Variants in RNF2 observed in about 807,000 individuals in gnomAD.
The protein encoded by RNF2 is ring finger protein 2.
In RNF2, 6 loss-of-function variants were observed where a neutral mutation model predicts 37.2. The observed-to-expected ratio is 0.16, with a 90% CI of 0.09 to 0.32. The LOEUF (loss-of-function observed/expected upper bound fraction) is 0.32, where lower values mean the gene tolerates loss of function less well. RNF2 is among the 10% of genes least tolerant of loss of function. The probability of loss-of-function intolerance (pLI) is 1.00; values close to 1 mark genes in which losing one functional copy is unlikely to be tolerated. For synonymous variants in RNF2, 133 were observed against 132.7 expected, an observed-to-expected ratio of 1.00 and a Z score of -0.02; for missense variants, 251 against 404.0, an observed-to-expected ratio of 0.62 and a Z score of 3.25.
intron 1 of RNF2, among the ~76,000 whole-genome samples, chr1:185,078,374 A>G (rs1327691909): frequency 6.6e-6 from 1 of 152,128 alleles, no homozygotes; most frequent in African/African-American, 2.4e-5. Context: ...TTAGCTCTGT[A>G]ACCTCTTCTT....
At position 185,100,813 on chromosome 1, in the gene RNF2, T is replaced by C. The variant is rs1267225862; in HGVS notation, c.*512T>C. 6.6e-6 allele frequency: 1 copy of C among 152,452 alleles called. No homozygotes were observed. The highest frequency in any genetic ancestry group is 1.5e-5 in the Non-Finnish European group (1 of 67,964). 9.4% of individuals were successfully genotyped at this position (152,452 alleles called of 1,614,324 possible). The stretch of plus-strand genomic sequence containing the variant: ...TTACTGTCCTTAAAAACAATTCTCA[T>C]AGGATTATTCTTTTCATGGTATTTT... On this transcript the variant is annotated 3_prime_UTR_variant, in exon 7 of 7. Transcript: ENST00000367510.
At chr1:185,045,843 T>A (rs938075230) in intron 1 of RNF2, among the ~76,000 whole-genome samples, 194 bp downstream of exon 1, 3 of 152,060 alleles carry the variant, frequency 2.0e-5, no homozygotes, top group Admixed American at 6.5e-5. Context: ...TGAAGCGGGT[T>A]CTCATTGTTC....
intron 4 of RNF2, among the ~76,000 whole-genome samples, chr1:185,097,780 C>G (rs1231548531): frequency 6.6e-6 from 1 of 152,212 alleles, no homozygotes; most frequent in Non-Finnish European, 1.5e-5. Context: ...CAAGCTCCTC[C>G]CATCTTGGCC....
intron 1 of RNF2, among the ~76,000 whole-genome samples, chr1:185,070,663 G>A (rs1189255643): frequency 2.2e-5 from 3 of 135,054 alleles, no homozygotes; most frequent in Non-Finnish European, 4.6e-5. Flanking sequence ...TTTTGAGACC[G>A]AGTCTTGCTG....
At position 185,100,903 on chromosome 1, in the gene RNF2, T is replaced by C. The variant is rs1238035681; in HGVS notation, c.*602T>C. 1.4e-5 allele frequency: 2 copies of C among 142,454 alleles called. No homozygotes were observed. Among genetic ancestry groups the C allele is most frequent in the African/African-American group, 5.0e-5 (2 of 39,924 alleles). The allele number at this position is 142,454 out of a possible 1,614,324, so 8.8% of individuals were successfully genotyped here. On this transcript the variant is annotated 3_prime_UTR_variant, in exon 7 of 7. Transcript: ENST00000367510. ...ACTTAGTGTCCATTGTCATGCAATG[T>C]TTTTTTTTTTCCATTCTTTTTCCCT...
intron 1 of RNF2, among the ~76,000 whole-genome samples, chr1:185,047,590 A>G (rs1278774688): frequency 6.6e-6 from 1 of 152,224 alleles, no homozygotes; most frequent in African/African-American, 2.4e-5. Context: ...TGTTTCAGTG[A>G]CAGTTTCATT....
chr1:185,080,633 C>G (rs185334668), intron 1 of RNF2, among the ~76,000 whole-genome samples: 440 of 152,164 alleles, frequency 2.9e-3, no homozygotes, highest in Non-Finnish European at 4.8e-3. Flanking sequence ...GTAATGCAGA[C>G]TTAACAGAAA....
chr1:185,065,849 C>G (rs1031673873), intron 1 of RNF2, among the ~76,000 whole-genome samples: 1 of 152,112 alleles, frequency 6.6e-6, no homozygotes, highest in Non-Finnish European at 1.5e-5. Flanking sequence ...AATTTGGATG[C>G]TTTTTATTTC....
rs757106486 is a variant in RNF2, at chr1:185,100,304, C to A, written c.*3C>A. 5.0e-6 allele frequency: 8 copies of A among 1,589,436 alleles called. No individual in the cohort carries two copies. ...CACCTACAAAGGAGCACAAATGAGC[C>A]TTTAAAAACCAATTCTGAGACTGAA... On this transcript the variant is annotated 3_prime_UTR_variant, in exon 7 of 7. Coordinates refer to ENST00000367510, the MANE Select transcript of RNF2 (RefSeq NM_007212.4).
intron 1 of RNF2, among the ~76,000 whole-genome samples, chr1:185,055,871 G>A (rs1275101585): frequency 6.6e-6 from 1 of 152,010 alleles, no homozygotes; most frequent in East Asian, 1.9e-4. Context: ...TAGCATATTT[G>A]TGAAGAAAAC....
chr1:185,093,407 A>G, intron 4 of RNF2, 131 bp downstream of exon 4: 4 of 732,534 alleles, frequency 5.5e-6, no homozygotes, highest in Non-Finnish European at 9.2e-6. Context: ...TCGTGCAGGT[A>G]TAATACATGC....
At chr1:185,060,463 C>T (rs1650564738) in intron 1 of RNF2, among the ~76,000 whole-genome samples, 1 of 152,184 alleles carries the variant, frequency 6.6e-6, no homozygotes, top group Admixed American at 6.5e-5. Context: ...TTCCCTTGCT[C>T]ACTTAAGGAC....
chr1:185,054,317 C>T (rs1159510980), intron 1 of RNF2, among the ~76,000 whole-genome samples: 1 of 152,156 alleles, frequency 6.6e-6, no homozygotes, highest in Non-Finnish European at 1.5e-5. Context: ...GGCTTAAGTT[C>T]AGAACTGTTC....
At chr1:185,073,222 A>G (rs1309011483) in intron 1 of RNF2, among the ~76,000 whole-genome samples, 1 of 152,136 alleles carries the variant, frequency 6.6e-6, no homozygotes, top group Non-Finnish European at 1.5e-5. Context: ...TAATGCTGTG[A>G]TGACCATTCT....
chr1:185,093,631 T>C (rs1651831529), intron 4 of RNF2, among the ~76,000 whole-genome samples: 1 of 152,192 alleles, frequency 6.6e-6, no homozygotes, highest in South Asian at 2.1e-4. Context: ...TAGTGATCTC[T>C]TCATTGTGCC....
intron 5 of RNF2, 51 bp downstream of exon 5, chr1:185,098,395 G>A (rs1651974138): frequency 6.3e-7 from 1 of 1,579,292 alleles, no homozygotes; most frequent in Admixed American, 1.7e-5. Flanking sequence ...TGTTTAATTT[G>A]GAGGTAAAAG....
Position 185,099,986 on chromosome 1 carries a change from G to A in RNF2, c.909+24G>A, listed in dbSNP as rs1312476730. 2.5e-6 allele frequency: 4 copies of A among 1,593,252 alleles called. No homozygotes were observed. The African/African-American group carries it at 5.4e-5, about 21-fold the overall frequency. On this transcript the variant is annotated intron_variant, in intron 6 of 6. Transcript: ENST00000367510. ...CTGTGAGTATTTAAAATAATAGACT[G>A]TTGAAACTGGGAGCACACTGACCAA...
chr1:185,085,580 A>T (rs930896383), intron 1 of RNF2, among the ~76,000 whole-genome samples: 1 of 151,948 alleles, frequency 6.6e-6, no homozygotes, highest in Non-Finnish European at 1.5e-5. Flanking sequence ...TTTTATTGTT[A>T]GTTGCTTTCT....
At chr1:185,090,820 T>C (rs1651746089) in intron 2 of RNF2, among the ~76,000 whole-genome samples, 1 of 152,226 alleles carries the variant, frequency 6.6e-6, no homozygotes, top group African/African-American at 2.4e-5. Flanking sequence ...TAGGATTCAC[T>C]AATCATTCTG....
Sources: allele counts gnomAD v4.1 joint callset (sites outside exome capture counted in the v4.1 genomes callset), GRCh38; gene constraint gnomAD v4.1.1; transcripts MANE v1.5; gene names NCBI Gene and HGNC (gene_info 2026-07-23, HGNC 2026-07-21).